Variants in HERC2 observed in about 807,000 individuals in gnomAD.
HERC2 encodes HECT and RLD domain containing E3 ubiquitin protein ligase 2, also known as E3 ubiquitin-protein ligase HERC2.
HERC2 carries 102 observed loss-of-function variants against 537.7 expected under a neutral mutation model. That is an observed-to-expected ratio of 0.19 (90% CI 0.16 to 0.22). The LOEUF (loss-of-function observed/expected upper bound fraction) is 0.22. HERC2 is among the 10% of genes least tolerant of loss of function. The pLI, the probability that HERC2 is intolerant of heterozygous loss-of-function variation, is 1.00. For missense variants in HERC2, 4,236 were observed against 6,198.2 expected (o/e 0.68, Z 10.63); for synonymous variants, 2,224 against 2,466.2 (o/e 0.90, Z 2.91).
Position 28,125,113 on chromosome 15 carries a change from C to A in HERC2, c.12883G>T (p.Val4295Leu), listed in dbSNP as rs1020776922. ...TTNAIQRPRL[V>L]AALQGKKVNR... is the part of the protein sequence containing the mutation. Reference sequence around the variant, plus strand: ...ACCTTCTTACCCTGAAGGGCAGCTACCAACCGAGGCCTCTGGATGGCATTG... The same window carrying A: ...ACCTTCTTACCCTGAAGGGCAGCTAACAACCGAGGCCTCTGGATGGCATTG... The change falls in exon 84 of 93, where the codon GTA becomes TTA. Residue 4295 changes from valine (V) to leucine (L), a missense_variant. Physicochemically the swap from Val to Leu is conservative, Grantham distance 32. Coordinates refer to ENST00000261609, the MANE Select transcript of HERC2 (RefSeq NM_004667.6). 3.7e-6 allele frequency: 6 copies of A among 1,614,060 alleles called. No homozygotes were observed. In the African/African-American group the frequency reaches 8.0e-5, roughly 22 times the overall value.
At chr15:28,149,750 C>T (rs1892210050) in intron 70 of HERC2, among the ~76,000 whole-genome samples, 1 of 151,876 alleles carries the variant, frequency 6.6e-6, no homozygotes, top group Admixed American at 6.6e-5. Context: ...ACACACGCGA[C>T]TTCCAACCAA....
In HERC2 at chr15:28,176,343, G is replaced by A. The variant is rs188099614; in HGVS notation, c.9686+85C>T. On this transcript the variant is annotated intron_variant, in intron 63 of 92. Transcript: ENST00000261609. This position sits in a 1 kb window ranked among gnomAD's most constrained non-coding sequence, Gnocchi z 5.0. The stretch of plus-strand genomic sequence containing the variant: ...TAAAAAGAGGACACGTCACAATCAC[G>A]CCGGGTGAGCCTGGGGCGAGGCCCA... 7.1e-6 allele frequency: 9 copies of A among 1,270,298 alleles called. 1 individual carries two copies. The highest frequency in any genetic ancestry group is 2.1e-4 in the Middle Eastern group (1 of 4,748). 78.7% of individuals were successfully genotyped at this position (1,270,298 alleles called of 1,614,324 possible). A position where few individuals can be genotyped will look rare whatever the true frequency, so the allele number is the denominator to read the frequency against.
chr15:28,163,656 G>A (rs115742016), intron 68 of HERC2, among the ~76,000 whole-genome samples: 2,348 of 152,210 alleles, frequency 0.015, 46 homozygotes, highest in African/African-American at 0.049. Flanking sequence ...CTAGGGAATC[G>A]TTTACAAACT....
chr15:28,140,395 T>C (rs552076047), intron 78 of HERC2, among the ~76,000 whole-genome samples: 1 of 152,342 alleles, frequency 6.6e-6, no homozygotes, highest in African/African-American at 2.4e-5. Context: ...AGCATTCATT[T>C]AGAGACTACG....
In HERC2 at chr15:28,177,526, C is replaced by A. The variant is rs1378605401; in HGVS notation, c.9164-17G>T. On this transcript the variant is annotated splice_polypyrimidine_tract_variant and intron_variant, in intron 59 of 92. Transcript: ENST00000261609. The surrounding 1 kb of genome is among the most constrained non-coding windows in gnomAD (Gnocchi z 5.0). ...GCCGGCCACCTGCAACATTCACAGA[C>A]ACACGGATTGCCAAAGGGCAGGGAA... 6.2e-7 allele frequency: 1 copy of A among 1,613,458 alleles called. No homozygotes were observed. The highest frequency in any genetic ancestry group is 1.7e-5 in the Admixed American group (1 of 60,034).
chr15:28,131,599 G>A lies in HERC2; in HGVS notation c.12570+501C>T, dbSNP rs185359175. Among the ~76,000 whole-genome samples the A allele has an allele frequency of 2.1e-3, 320 of 152,342 alleles. 1 individual carries two copies. The highest frequency in any genetic ancestry group is 7.3e-3 in the African/African-American group (302 of 41,580). ...AGCCACCGGGCTTGAGTGGAGCAGA[G>A]CCGCCGACCCCACCAGGACTGCAGG... On this transcript the variant is annotated intron_variant, in intron 81 of 92. Transcript: ENST00000261609.
At chr15:28,301,735 G>GTGTATATATATATA (rs1468330361) in intron 2 of HERC2, among the ~76,000 whole-genome samples, 1 of 35,378 alleles carries the variant, frequency 2.8e-5, no homozygotes, top group Non-Finnish European at 5.0e-5. Context: ...GTATGTATGT[G>GTGTATATATATATA]TATATATATA....
At chr15:28,136,319 CTG>C in intron 78 of HERC2, among the ~76,000 whole-genome samples, 1 of 91,292 alleles carries the variant, frequency 1.1e-5, no homozygotes, top group Non-Finnish European at 2.7e-5. Flanking sequence ...AAACGTGCTG[CTG>C]CACTGACATA....
Position 28,213,814 on chromosome 15 carries a change from T to C in HERC2, c.6714A>G (p.Pro2238=), listed in dbSNP as rs1310363494. 9.9e-6 allele frequency: 16 copies of C among 1,613,874 alleles called. No individual in the cohort carries two copies. Among genetic ancestry groups the C allele is most frequent in the Middle Eastern group, 1.6e-4 (1 of 6,080 alleles). The change falls in exon 42 of 93, where the codon CCA becomes CCG. Residue 2238 remains proline, a synonymous_variant. Transcript: ENST00000261609. ...FGEGTVTRIT[P]KGKITVQFSD... ...AGAACTGCACGGTGATTTTGCCCTT[T>C]GGGGTGATGCGAGTCACAGTGCCTT... is the stretch of plus-strand genomic sequence containing the variant.
At chr15:28,197,765 G>C (rs539755315) in intron 50 of HERC2, among the ~76,000 whole-genome samples, 1 of 152,152 alleles carries the variant, frequency 6.6e-6, no homozygotes, top group Admixed American at 6.5e-5. Flanking sequence ...CTGACAGTCA[G>C]GAGCTGGCCT....
At chr15:28,150,487 C>T (rs981932947) in intron 70 of HERC2, among the ~76,000 whole-genome samples, 10 of 150,924 alleles carry the variant, frequency 6.6e-5, no homozygotes, top group Non-Finnish European at 1.0e-4. Flanking sequence ...AAAAAACACA[C>T]GCAGCTTCTA....
At chr15:28,258,098 C>A (rs1167261937) in intron 16 of HERC2, among the ~76,000 whole-genome samples, 1 of 152,148 alleles carries the variant, frequency 6.6e-6, no homozygotes, top group Non-Finnish European at 1.5e-5. Context: ...GTTTGTTCTC[C>A]AATCACAATG....
chr15:28,283,538 A>G (rs1388220260), intron 4 of HERC2, among the ~76,000 whole-genome samples: 1 of 152,226 alleles, frequency 6.6e-6, no homozygotes, highest in East Asian at 1.9e-4. Context: ...ACCCACACCA[A>G]AAGAAAGGCT....
intron 14 of HERC2, among the ~76,000 whole-genome samples, chr15:28,264,235 C>T (rs1331341482): frequency 6.6e-6 from 1 of 152,150 alleles, no homozygotes; most frequent in Non-Finnish European, 1.5e-5. Flanking sequence ...GTCCCAACTA[C>T]CCAGCTGTGC....
intron 7 of HERC2, 163 bp from the exon 8 acceptor site, chr15:28,273,167 T>G: frequency 4.7e-6 from 3 of 642,402 alleles, no homozygotes; most frequent in Non-Finnish European, 8.3e-6. Flanking sequence ...TATTCAGAGA[T>G]TATAAGTGTA....
rs967798485 is a variant in HERC2, at chr15:28,111,654, C to T, written c.*109G>A. On this transcript the variant is annotated 3_prime_UTR_variant, in exon 93 of 93. Transcript: ENST00000261609. ...CTCCACTCCCTCCTCCCGCCTGGCT[C>T]GAGGACGGACGCTTCTCATCAGACA... The T allele has an allele frequency of 1.1e-5, 13 of 1,212,700 alleles. No homozygotes were observed. Among genetic ancestry groups the T allele is most frequent in the Admixed American group, 6.4e-5 (3 of 47,180 alleles). The allele number at this position is 1,212,700 out of a possible 1,614,324, so 75.1% of individuals were successfully genotyped here. A position where few individuals can be genotyped will look rare whatever the true frequency, so the allele number is the denominator to read the frequency against.
intron 52 of HERC2, among the ~76,000 whole-genome samples, chr15:28,193,327 A>G (rs1897028055): frequency 6.6e-6 from 1 of 152,248 alleles, no homozygotes; most frequent in South Asian, 2.1e-4. Context: ...AAAGACTAGA[A>G]CTGATAAATT....
chr15:28,315,437 GGGGT>G, intron 2 of HERC2, among the ~76,000 whole-genome samples: 1 of 152,226 alleles, frequency 6.6e-6, no homozygotes, highest in East Asian at 1.9e-4. Context: ...AGGAATCTAT[GGGGT>G]CGGACAAGGT....
intron 10 of HERC2, 34 bp downstream of exon 10, chr15:28,270,661 A>G: frequency 6.2e-7 from 1 of 1,601,566 alleles, no homozygotes. Context: ...ACTAGCTACA[A>G]AACACATGGA....
Sources: gnomAD v4.1 joint callset for allele counts (sites outside exome capture counted in the v4.1 genomes callset) on GRCh38, gnomAD v4.1.1 for gene constraint, Gnocchi (gnomAD v3.1) non-coding constraint, MANE v1.5 for transcripts, NCBI Gene and HGNC (gene_info 2026-07-23, HGNC 2026-07-21) for gene names.